Variants in CCNT1 observed in about 807,000 individuals in gnomAD.
CCNT1 encodes the protein cyclin-T1.
A neutral mutation model predicts 67.3 loss-of-function variants in CCNT1; 18 were observed. The ratio of observed to expected loss-of-function variants is 0.27; its 90% CI spans 0.18 to 0.40. The LOEUF (loss-of-function observed/expected upper bound fraction) is 0.40. Ranked by LOEUF, CCNT1 falls within the 10% of genes least tolerant of loss-of-function variation. CCNT1 has a pLI of 1.00. For synonymous variants in CCNT1, 333 were observed against 310.3 expected, an observed-to-expected ratio of 1.07 and a Z score of -0.77; for missense variants, 744 against 884.9, an observed-to-expected ratio of 0.84 and a Z score of 2.02.
intron 2 of CCNT1, among the ~76,000 whole-genome samples, chr12:48,710,347 C>T (rs1192202781): frequency 6.6e-6 from 1 of 152,178 alleles, no homozygotes; most frequent in African/African-American, 2.4e-5. Context: ...CACAGCTAAA[C>T]TTAGAATTAG....
chr12:48,712,265 A>C (rs1940462985), intron 2 of CCNT1, among the ~76,000 whole-genome samples: 1 of 152,084 alleles, frequency 6.6e-6, no homozygotes, highest in South Asian at 2.1e-4. Context: ...AGGATACGAA[A>C]TAAGCATCCT....
chr12:48,703,005 T>C (rs375933564), intron 3 of CCNT1, among the ~76,000 whole-genome samples: 2 of 151,824 alleles, frequency 1.3e-5, no homozygotes, highest in East Asian at 1.9e-4. Context: ...GCTATAGTCC[T>C]AGCAACTTGG....
chr12:48,693,181 G>C lies in CCNT1; in HGVS notation c.2033C>G (p.Pro678Arg), dbSNP rs1273555289. ...AGGACGAACAAATTCAAATGCAGTG[G>C]GCTGAGTGGGCTGAACACCCTGGGC... The part of the protein sequence containing the change: ...LSAQGVQPTQ[P>R]TAFEFVRPYS... Residue 678 changes from proline to arginine, a missense_variant, in exon 9 of 9, where the codon CCC becomes CGC. By Grantham distance (103) the Pro-to-Arg change is moderately radical. Transcript: ENST00000261900. 3.1e-6 allele frequency: 5 copies of C among 1,614,028 alleles called. No individual in the cohort carries two copies. The East Asian group carries it at 1.1e-4, about 36-fold the overall frequency.
chr12:48,707,919 G>A (rs528405191), intron 2 of CCNT1, among the ~76,000 whole-genome samples: 11 of 152,124 alleles, frequency 7.2e-5, no homozygotes, highest in South Asian at 4.1e-4. Flanking sequence ...TTAGCCGGGC[G>A]TGGTGGCACA....
intron 5 of CCNT1, 111 bp downstream of exon 5, chr12:48,699,667 T>C (rs1940232988): frequency 1.6e-6 from 1 of 632,588 alleles, no homozygotes; most frequent in South Asian, 2.5e-5. Context: ...TTAAGCCAAG[T>C]AGGCCTTTAA....
At chr12:48,713,790 T>A (rs1217364087) in intron 2 of CCNT1, among the ~76,000 whole-genome samples, 1 of 152,206 alleles carries the variant, frequency 6.6e-6, no homozygotes, top group Non-Finnish European at 1.5e-5. Context: ...CCTGTCTCCC[T>A]ACCCCAGCAA....
At position 48,693,438 on chromosome 12, in the gene CCNT1, G is replaced by T; in HGVS notation, c.1776C>A (p.Ala592=). The T allele has an allele frequency of 6.2e-7, 1 of 1,614,204 alleles. No individual in the cohort carries two copies. Among genetic ancestry groups the T allele is most frequent in the Non-Finnish European group, 8.5e-7 (1 of 1,180,034 alleles). The change falls in exon 9 of 9, where the codon GCC becomes GCA. Residue 592 remains alanine (A), a synonymous_variant. Coordinates refer to ENST00000261900, the MANE Select transcript of CCNT1 (RefSeq NM_001240.4). ...TTAGGGAAGAGGATTTAGTACTCTT[G>T]GCAATCTTGGCTGGATGATCAAACA... ...GAVFDHPAKI[A]KSTKSSSLNF...
Position 48,693,454 on chromosome 12 carries a change from TGA to T in CCNT1, c.1758_1759del (p.Asp586GlufsTer10). The T allele has an allele frequency of 6.2e-7, 1 of 1,614,244 alleles. No homozygotes were observed. Among genetic ancestry groups the T allele is most frequent in the Non-Finnish European group, 8.5e-7 (1 of 1,180,044 alleles). ...AGTACTCTTGGCAATCTTGGCTGGA[TGA>T]TCAAACACAGCCCCTCCAGTCTCTT... On this transcript the variant is annotated frameshift_variant, in exon 9 of 9. Transcript: ENST00000261900. LOFTEE classifies it high-confidence loss of function.
chr12:48,711,072 A>G (rs960328959), intron 2 of CCNT1, among the ~76,000 whole-genome samples: 8 of 151,962 alleles, frequency 5.3e-5, no homozygotes, highest in Non-Finnish European at 1.0e-4. Context: ...TCTCAAAAAA[A>G]TAAAAAAAGA....
At chr12:48,701,275 G>C (rs1289834574) in intron 3 of CCNT1, among the ~76,000 whole-genome samples, 3 of 140,234 alleles carry the variant, frequency 2.1e-5, no homozygotes, top group Non-Finnish European at 4.5e-5. Context: ...ACCCAGGCTG[G>C]AGTGCAGTGG....
chr12:48,704,654 C>T (rs1281263310), intron 3 of CCNT1, among the ~76,000 whole-genome samples: 1 of 152,136 alleles, frequency 6.6e-6, no homozygotes, highest in Non-Finnish European at 1.5e-5. Flanking sequence ...GCTAAAAATA[C>T]AAAAATTAGC....
chr12:48,692,575 TAAAC>T lies in CCNT1; in HGVS notation c.*454_*457del, dbSNP rs1940093058. The T allele has an allele frequency of 1.3e-5, 2 of 153,074 alleles. No homozygotes were observed. The highest frequency in any genetic ancestry group is 4.9e-5 in the African/African-American group (2 of 40,496). 9.5% of individuals were successfully genotyped at this position (153,074 alleles called of 1,614,324 possible). ...CCCCTTCCCAATTATATAAAAAAAC[TAAAC>T]AGATAACTTACTTTCTTTAAATTAT... On this transcript the variant is annotated 3_prime_UTR_variant, in exon 9 of 9. Transcript: ENST00000261900.
In CCNT1 at chr12:48,699,768, G is replaced by A. The variant is rs749713324; in HGVS notation, c.496+10C>T. The A allele has an allele frequency of 4.4e-6, 7 of 1,590,132 alleles. No homozygotes were observed. The South Asian group carries it at 4.4e-5, about 10-fold the overall frequency. On this transcript the variant is annotated intron_variant, in intron 5 of 8. Transcript: ENST00000261900. ...GCTTGAGATAGTCTTCATAAGCTGG[G>A]ATTCCTTACCTCGAACAAGTTGAGT...
At chr12:48,714,186 T>C (rs1019530222) in intron 2 of CCNT1, among the ~76,000 whole-genome samples, 1 of 152,158 alleles carries the variant, frequency 6.6e-6, no homozygotes, top group Non-Finnish European at 1.5e-5. Context: ...GGGATTACAG[T>C]TGTGAGCCAC....
At chr12:48,710,587 G>A (rs1394589801) in intron 2 of CCNT1, among the ~76,000 whole-genome samples, 17 of 152,244 alleles carry the variant, frequency 1.1e-4, no homozygotes, top group Non-Finnish European at 2.5e-4. Context: ...TTTGAGACCA[G>A]CCTGGGCAAC....
chr12:48,698,686 G>A (rs909279099), intron 5 of CCNT1, among the ~76,000 whole-genome samples: 23 of 152,144 alleles, frequency 1.5e-4, no homozygotes, highest in African/African-American at 5.1e-4. Flanking sequence ...GGCTGGGCAC[G>A]GTGGCTCACG....
In CCNT1 at chr12:48,714,363, A is replaced by C. The variant is rs192161336; in HGVS notation, c.243+80T>G. On this transcript the variant is annotated intron_variant, in intron 2 of 8. Coordinates refer to ENST00000261900, the MANE Select transcript of CCNT1 (RefSeq NM_001240.4). ...TCTAAAGTTCAAGTTACAGTTCAGT[A>C]GCAAAGACCAACCACAAATGGAATA... is the stretch of plus-strand genomic sequence containing the variant. The C allele has an allele frequency of 1.6e-4, 139 of 854,966 alleles. 1 individual carries two copies. The East Asian group carries it at 2.6e-3, about 16-fold the overall frequency. The allele number at this position is 854,966 out of a possible 1,614,324, so 53.0% of individuals were successfully genotyped here.
At chr12:48,715,517 G>A (rs1441189173) in intron 1 of CCNT1, among the ~76,000 whole-genome samples, 2 of 151,646 alleles carry the variant, frequency 1.3e-5, no homozygotes, top group Admixed American at 1.3e-4. Flanking sequence ...CTGGAGTGCA[G>A]TGGCGCCATC....
chr12:48,714,594 C>G, intron 1 of CCNT1, 70 bp from the exon 2 acceptor site: 1 of 902,206 alleles, frequency 1.1e-6, no homozygotes, highest in Non-Finnish European at 1.8e-6. Flanking sequence ...CTATCTCCCT[C>G]CCAAAAGGAT....
Sources: allele counts gnomAD v4.1 joint callset (sites outside exome capture counted in the v4.1 genomes callset), GRCh38; gene constraint gnomAD v4.1.1; transcripts MANE v1.5; gene names NCBI Gene and HGNC (gene_info 2026-07-23, HGNC 2026-07-21).